Variants in PSD3 observed in about 807,000 individuals in gnomAD.
PSD3 encodes the protein PH and SEC7 domain-containing protein 3.
A neutral mutation model predicts 105.5 loss-of-function variants in PSD3; 49 were observed. The ratio of observed to expected loss-of-function variants is 0.46; its 90% confidence interval spans 0.37 to 0.59. The LOEUF is 0.59. PSD3 is among the 20% of genes least tolerant of loss of function. PSD3 has a pLI of 0.00. For missense variants in PSD3, 1,561 were observed against 1,263.8 expected (o/e 1.24, Z -3.57); for synonymous variants, 557 against 457.8 (o/e 1.22, Z -2.77).
At chr8:18,555,649 G>C (rs1233443499) in intron 15 of PSD3, among the ~76,000 whole-genome samples, 1 of 152,172 alleles carries the variant, frequency 6.6e-6, no homozygotes, top group Non-Finnish European at 1.5e-5. Flanking sequence ...ACTTTTCCAT[G>C]CCATAGCATA....
chr8:19,007,251 C>CA lies in PSD3; in HGVS notation c.21+6311dup, dbSNP rs201175642. The stretch of plus-strand genomic sequence containing the variant: ...TTGGCGACAGAGTGAGACCCTGTCT[C>CA]AAAAAAAATAAATAGAGAGAGAGTG... On this transcript the variant is annotated intron_variant, in intron 1 of 15. Coordinates refer to ENST00000327040, the MANE Select transcript of PSD3 (RefSeq NM_015310.4). 5.1e-5 allele frequency among the ~76,000 whole-genome samples: 6 copies of CA among 117,498 alleles called. 1 individual carries two copies. The highest frequency in any genetic ancestry group is 9.7e-5 in the Non-Finnish European group (5 of 51,716). The allele number at this position is 117,498 out of a possible 152,430, so 77.1% of individuals were successfully genotyped here. A position where few individuals can be genotyped will look rare whatever the true frequency, so the allele number is the denominator to read the frequency against.
chr8:18,967,181 G>C (rs1334190120), intron 1 of PSD3, among the ~76,000 whole-genome samples: 3 of 150,374 alleles, frequency 2.0e-5, no homozygotes, highest in Non-Finnish European at 4.4e-5. Context: ...TTGAGACGGA[G>C]TTTCACTCTC....
rs1051915675 is a variant in PSD3, at chr8:18,531,081, G to T, written c.*4662C>A. The T allele has an allele frequency of 1.3e-5, 2 of 152,356 alleles. No individual in the cohort carries two copies. The highest frequency in any genetic ancestry group is 1.3e-4 in the Admixed American group (2 of 15,264). The allele number at this position is 152,356 out of a possible 1,614,324, so 9.4% of individuals were successfully genotyped here. ...ATAAATACCCACAAATACAACAATG[G>T]CAGGTGACAGCATTTTCTTTGATGA... On this transcript the variant is annotated 3_prime_UTR_variant, in exon 16 of 16. Transcript: ENST00000327040.
At chr8:18,832,225 G>A (rs995335010) in intron 4 of PSD3, among the ~76,000 whole-genome samples, 1 of 152,144 alleles carries the variant, frequency 6.6e-6, no homozygotes, top group Non-Finnish European at 1.5e-5. Flanking sequence ...CAACCCTAAA[G>A]AGTAAGGAAA....
At chr8:19,074,146 C>T (rs1315596861) in intron 1 of PSD3, among the ~76,000 whole-genome samples, 1 of 152,168 alleles carries the variant, frequency 6.6e-6, no homozygotes, top group East Asian at 1.9e-4. Context: ...GGATCCTCAT[C>T]CAAAGCAGTA....
At chr8:18,966,794 T>G (rs2129471603) in intron 1 of PSD3, among the ~76,000 whole-genome samples, 1 of 152,256 alleles carries the variant, frequency 6.6e-6, no homozygotes, top group Admixed American at 6.5e-5. Context: ...TAAAATCTGA[T>G]TTTGATATTT....
chr8:18,785,512 G>C (rs116927176), intron 8 of PSD3, among the ~76,000 whole-genome samples: 2,003 of 152,246 alleles, frequency 0.013, 14 homozygotes, highest in Non-Finnish European at 0.021. Flanking sequence ...ACTGTGGCTG[G>C]TTGGATACCC....
rs1250830129 is a variant in PSD3, at chr8:18,535,820, C to T, written c.3067G>A (p.Ala1023Thr). The T allele has an allele frequency of 6.2e-7, 1 of 1,614,130 alleles. No individual in the cohort carries two copies. The highest frequency in any genetic ancestry group is 2.2e-5 in the East Asian group (1 of 44,878). ...TCTGACACGTTACGCTTGACTTTGG[C>T]AGTGATTGGAGAAGTATCCGGGTTC... ...SLNPDTSPITAKVKRNVSERK... is the reference protein window; with the variant it reads ...SLNPDTSPITTKVKRNVSERK... Residue 1023 changes from alanine to threonine, a missense_variant, in exon 16 of 16, where the codon GCC (alanine) becomes ACC (threonine). Ala to Thr is a moderately conservative substitution (Grantham distance 58). Coordinates refer to ENST00000327040, the MANE Select transcript of PSD3 (RefSeq NM_015310.4).
At position 18,528,616 on chromosome 8, in the gene PSD3, G is replaced by A. The variant is rs2129838156; in HGVS notation, c.*7127C>T. ...AGAGGTTCCTCTTTGCAGAGATGAT[G>A]TGTTATCACCACTCTCTGCAGGGCT... On this transcript the variant is annotated 3_prime_UTR_variant, in exon 16 of 16. Coordinates refer to ENST00000327040, the MANE Select transcript of PSD3 (RefSeq NM_015310.4). 6.6e-6 allele frequency: 1 copy of A among 152,528 alleles called. No homozygotes were observed. The highest frequency in any genetic ancestry group is 2.1e-4 in the South Asian group (1 of 4,826). 9.4% of individuals were successfully genotyped at this position (152,528 alleles called of 1,614,324 possible).
At chr8:18,547,803 T>C (rs1800535133) in intron 15 of PSD3, among the ~76,000 whole-genome samples, 1 of 152,218 alleles carries the variant, frequency 6.6e-6, no homozygotes, top group African/African-American at 2.4e-5. Context: ...ATTGGAGGTC[T>C]TTGAGATTCA....
chr8:18,649,088 A>G (rs1808275844), intron 10 of PSD3, among the ~76,000 whole-genome samples: 1 of 152,214 alleles, frequency 6.6e-6, no homozygotes, highest in Admixed American at 6.5e-5. Flanking sequence ...GCCCCAACAA[A>G]GAGTCCCCAA....
chr8:18,704,673 C>T (rs1057241495), intron 9 of PSD3, among the ~76,000 whole-genome samples: 7 of 152,158 alleles, frequency 4.6e-5, no homozygotes, highest in African/African-American at 1.7e-4. Flanking sequence ...GTTTCCATCT[C>T]AGTTCTGCTA....
At position 18,816,573 on chromosome 8, in the gene PSD3, C is replaced by T. The variant is rs1303504029; in HGVS notation, c.1635-11675G>A. On this transcript the variant is annotated intron_variant, in intron 4 of 15. Coordinates refer to ENST00000327040, the MANE Select transcript of PSD3 (RefSeq NM_015310.4). ...TGGTTGCATAATTAAGTATACACAA[C>T]CAAACCTGCACAAATTTTCACTCCA... Among the ~76,000 whole-genome samples the T allele has an allele frequency of 1.3e-5, 2 of 152,194 alleles. 1 individual carries two copies. The highest frequency in any genetic ancestry group is 3.8e-4 in the East Asian group (2 of 5,200).
At chr8:18,622,532 T>C (rs899318260) in intron 11 of PSD3, among the ~76,000 whole-genome samples, 2 of 152,198 alleles carry the variant, frequency 1.3e-5, no homozygotes, top group Non-Finnish European at 2.9e-5. Flanking sequence ...ATTACCTCTG[T>C]AGTTTTATGG....
intron 11 of PSD3, among the ~76,000 whole-genome samples, chr8:18,616,968 T>C (rs1398031459): frequency 6.6e-6 from 1 of 152,156 alleles, no homozygotes; most frequent in East Asian, 1.9e-4. Flanking sequence ...GCCCCCATTC[T>C]TTCTGTAACT....
At chr8:18,999,139 G>C (rs79304115) in intron 1 of PSD3, among the ~76,000 whole-genome samples, 5,186 of 152,092 alleles carry the variant, frequency 0.034, 191 homozygotes, top group Non-Finnish European at 0.053. Context: ...AAAATGGAAA[G>C]AATGTCCTAA....
At chr8:18,811,255 T>C (rs1422873292) in intron 4 of PSD3, among the ~76,000 whole-genome samples, 1 of 152,204 alleles carries the variant, frequency 6.6e-6, no homozygotes, top group Non-Finnish European at 1.5e-5. Context: ...GAGCTGGACA[T>C]GGTCAGTGAG....
intron 10 of PSD3, among the ~76,000 whole-genome samples, chr8:18,648,130 T>A (rs959110328): frequency 6.6e-6 from 1 of 150,614 alleles, no homozygotes; most frequent in African/African-American, 2.5e-5. Flanking sequence ...GGAATTGCTA[T>A]AAAAAATACC....
At chr8:18,666,978 G>A (rs1254253245) in intron 9 of PSD3, among the ~76,000 whole-genome samples, 2 of 152,104 alleles carry the variant, frequency 1.3e-5, no homozygotes, top group African/African-American at 4.8e-5. Context: ...CATTCCTCCC[G>A]GTGGGTTCAT....
Sources: gnomAD v4.1 joint callset for allele counts (sites outside exome capture counted in the v4.1 genomes callset) on GRCh38, gnomAD v4.1.1 for gene constraint, MANE v1.5 for transcripts, NCBI Gene and HGNC (gene_info 2026-07-23, HGNC 2026-07-21) for gene names.